The following PLCE1 variants were observed in gnomAD, a reference collection of about 807,000 sequenced individuals.
PLCE1 encodes the protein 1-phosphatidylinositol 4,5-bisphosphate phosphodiesterase epsilon-1.
Under a neutral mutation model 242.8 loss-of-function variants are expected in PLCE1, and 119 were observed. That is an observed-to-expected ratio of 0.49 (90% CI 0.42 to 0.57). The LOEUF is 0.57. PLCE1 is among the 20% of genes least tolerant of loss of function. The pLI, the probability that PLCE1 is intolerant of heterozygous loss-of-function variation, is 0.00. For synonymous variants in PLCE1, 945 were observed against 1,017.4 expected, an observed-to-expected ratio of 0.93 and a Z score of 1.35; for missense variants, 2,441 against 2,788.8, an observed-to-expected ratio of 0.88 and a Z score of 2.81.
chr10:94,114,821 G>T (rs2046070254), intron 2 of PLCE1, among the ~76,000 whole-genome samples: 2 of 151,512 alleles, frequency 1.3e-5, no homozygotes, highest in South Asian at 4.2e-4. Context: ...ACAACGTGCA[G>T]ATTTGTTACA....
intron 4 of PLCE1, among the ~76,000 whole-genome samples, chr10:94,190,185 T>G (rs1344761186): frequency 6.6e-6 from 1 of 151,934 alleles, no homozygotes; most frequent in Non-Finnish European, 1.5e-5. Flanking sequence ...GAGGCTGAGG[T>G]GGGAGGATGG....
intron 4 of PLCE1, among the ~76,000 whole-genome samples, chr10:94,193,940 G>A (rs2048742544): frequency 6.6e-6 from 1 of 152,206 alleles, no homozygotes; most frequent in South Asian, 2.1e-4. Flanking sequence ...AGAAAGTGTA[G>A]AATGAAATTG....
intron 28 of PLCE1, among the ~76,000 whole-genome samples, chr10:94,314,518 C>T (rs1384900828): frequency 6.6e-6 from 1 of 152,130 alleles, no homozygotes; most frequent in Non-Finnish European, 1.5e-5. Context: ...CATTTGAACC[C>T]AGGAGGCAGA....
At chr10:94,092,599 A>G (rs1245162912) in intron 2 of PLCE1, among the ~76,000 whole-genome samples, 2 of 152,086 alleles carry the variant, frequency 1.3e-5, no homozygotes, top group African/African-American at 2.4e-5. Context: ...TAAGAAACTG[A>G]CATTAAAGCA....
chr10:94,106,897 C>T (rs1041778984), intron 2 of PLCE1, among the ~76,000 whole-genome samples: 9 of 51,862 alleles, frequency 1.7e-4, no homozygotes, highest in Admixed American at 2.0e-4. Flanking sequence ...GACTGGTGCT[C>T]GTGTTGTCTC....
At chr10:94,006,873 A>T (rs1187487360) in intron 1 of PLCE1, among the ~76,000 whole-genome samples, 1 of 152,236 alleles carries the variant, frequency 6.6e-6, no homozygotes, top group Non-Finnish European at 1.5e-5. Flanking sequence ...ACATCTAGTT[A>T]GTGGGTCAAA....
chr10:94,239,102 G>A (rs758900872), intron 7 of PLCE1, among the ~76,000 whole-genome samples: 6 of 152,192 alleles, frequency 3.9e-5, no homozygotes, highest in East Asian at 1.9e-4. Context: ...CAAATTGCAC[G>A]GCATACTATA....
intron 2 of PLCE1, among the ~76,000 whole-genome samples, chr10:94,115,584 C>G (rs2046098573): frequency 6.6e-6 from 1 of 152,224 alleles, no homozygotes; most frequent in Non-Finnish European, 1.5e-5. Flanking sequence ...AGTGTCTGTT[C>G]ATATCCTTCG....
At chr10:94,149,586 T>A (rs1334928912) in intron 3 of PLCE1, among the ~76,000 whole-genome samples, 1 of 152,186 alleles carries the variant, frequency 6.6e-6, no homozygotes, top group Non-Finnish European at 1.5e-5. Context: ...CTGCATTTTT[T>A]AAAATAAAAT....
chr10:94,092,053 A>T (rs1053526582), intron 2 of PLCE1, among the ~76,000 whole-genome samples: 2 of 152,210 alleles, frequency 1.3e-5, no homozygotes, highest in African/African-American at 4.8e-5. Flanking sequence ...AACCCTAAGA[A>T]ATGTAAGATT....
At chr10:94,231,556 T>G in intron 5 of PLCE1, among the ~76,000 whole-genome samples, 1 of 151,248 alleles carries the variant, frequency 6.6e-6, no homozygotes, top group Admixed American at 6.6e-5. Flanking sequence ...CCTATGCTCT[T>G]GAATATGAAT....
At chr10:94,076,332 C>T (rs2044499717) in intron 2 of PLCE1, among the ~76,000 whole-genome samples, 1 of 152,122 alleles carries the variant, frequency 6.6e-6, no homozygotes, top group South Asian at 2.1e-4. Context: ...AAAAACTGTA[C>T]CCTGGTTGAT....
At chr10:94,046,369 G>T (rs78192381) in intron 2 of PLCE1, among the ~76,000 whole-genome samples, 1,987 of 152,280 alleles carry the variant, frequency 0.013, 49 homozygotes, top group African/African-American at 0.045. Flanking sequence ...AGCAGGAGGG[G>T]CCAGACCTGG....
intron 3 of PLCE1, among the ~76,000 whole-genome samples, chr10:94,144,641 A>G (rs751945500): frequency 7.2e-5 from 11 of 152,226 alleles, no homozygotes; most frequent in Admixed American, 1.3e-4. Flanking sequence ...ACACAGGCAG[A>G]GAAGTGGTCA....
intron 2 of PLCE1, among the ~76,000 whole-genome samples, chr10:94,119,360 T>C (rs1257449612): frequency 6.6e-6 from 1 of 152,134 alleles, no homozygotes; most frequent in Non-Finnish European, 1.5e-5. Context: ...ACCCTCCAGC[T>C]GTATGCATGT....
chr10:94,114,799 G>A (rs1320196661), intron 2 of PLCE1, among the ~76,000 whole-genome samples: 2 of 150,446 alleles, frequency 1.3e-5, no homozygotes, highest in East Asian at 2.0e-4. Context: ...GGGTACATGT[G>A]CACACATGTG....
intron 4 of PLCE1, among the ~76,000 whole-genome samples, chr10:94,187,939 A>C (rs1473675363): frequency 6.6e-6 from 1 of 151,384 alleles, no homozygotes; most frequent in Admixed American, 6.6e-5. Context: ...AGCCCCTACA[A>C]CCCCCTCTTC....
chr10:94,248,949 C>A (rs1403725754), intron 8 of PLCE1, among the ~76,000 whole-genome samples: 1 of 152,122 alleles, frequency 6.6e-6, no homozygotes, highest in South Asian at 2.1e-4. Context: ...CCAGCTGAGA[C>A]CACGAACGGC....
chr10:94,227,806 T>C (rs1298761446), intron 5 of PLCE1, among the ~76,000 whole-genome samples: 1 of 152,204 alleles, frequency 6.6e-6, no homozygotes, highest in Non-Finnish European at 1.5e-5. Context: ...AGGCCTGCCT[T>C]ATGTAGTGTT....
Sources: gnomAD v4.1 joint callset for allele counts (sites outside exome capture counted in the v4.1 genomes callset) on GRCh38, gnomAD v4.1.1 for gene constraint, MANE v1.5 for transcripts, NCBI Gene and HGNC (gene_info 2026-07-23, HGNC 2026-07-21) for gene names.